Variants in SGMS1 observed in about 807,000 individuals in gnomAD.
SGMS1 encodes sphingomyelin synthase 1.
Under a neutral mutation model 46.2 loss-of-function variants are expected in SGMS1, and 13 were observed. The ratio of observed to expected loss-of-function variants is 0.28; its 90% CI spans 0.18 to 0.45. The LOEUF (loss-of-function observed/expected upper bound fraction) is 0.45, where lower values mean the gene tolerates loss of function less well. SGMS1 is among the 20% of genes least tolerant of loss of function. The pLI, the probability that SGMS1 is intolerant of heterozygous loss-of-function variation, is 1.00. For missense variants in SGMS1, 324 were observed against 519.9 expected (o/e 0.62, Z 3.66); for synonymous variants, 203 against 187.8 (o/e 1.08, Z -0.66).
intron 6 of SGMS1, among the ~76,000 whole-genome samples, chr10:50,424,102 T>C (rs989188566): frequency 4.6e-5 from 7 of 152,324 alleles, no homozygotes; most frequent in African/African-American, 1.7e-4. Flanking sequence ...CATGTTTGTC[T>C]GACCTGAAAG....
chr10:50,541,622 C>T lies in SGMS1; in HGVS notation c.-588-21701G>A, dbSNP rs542529872. 4.6e-5 allele frequency among the ~76,000 whole-genome samples: 7 copies of T among 152,134 alleles called. No homozygotes were observed. The South Asian group carries it at 6.2e-4, about 14-fold the overall frequency. On this transcript the variant is annotated intron_variant, in intron 2 of 10. Coordinates refer to ENST00000361781, the MANE Select transcript of SGMS1 (RefSeq NM_147156.4). Reference sequence around the variant, plus strand: ...CCACAGAGAGTGGTTGTTAAGCTGCCCCACTTGGAGACAAGACCAGGGATG... The same window carrying T: ...CCACAGAGAGTGGTTGTTAAGCTGCTCCACTTGGAGACAAGACCAGGGATG...
At position 50,306,953 on chromosome 10, in the gene SGMS1, T is replaced by C. The variant is rs1847188548; in HGVS notation, c.*189A>G. The C allele has an allele frequency of 6.9e-6, 4 of 580,210 alleles. No individual in the cohort carries two copies. In the South Asian group the frequency reaches 8.2e-5, roughly 12 times the overall value. 35.9% of individuals were successfully genotyped at this position (580,210 alleles called of 1,614,324 possible). On this transcript the variant is annotated 3_prime_UTR_variant, in exon 11 of 11. Coordinates refer to ENST00000361781, the MANE Select transcript of SGMS1 (RefSeq NM_147156.4). ...GTGCATGATAGGTTAAATTTTTCTT[T>C]ATTGTTGTCCAACGCAGGTCCTTTG...
intron 6 of SGMS1, among the ~76,000 whole-genome samples, chr10:50,398,525 G>A (rs1404368922): frequency 6.6e-6 from 1 of 152,194 alleles, no homozygotes; most frequent in Non-Finnish European, 1.5e-5. Flanking sequence ...GGTGTTGTAA[G>A]TTGGGATGTG....
chr10:50,443,456 T>C (rs1399924398), intron 5 of SGMS1, among the ~76,000 whole-genome samples: 1 of 151,882 alleles, frequency 6.6e-6, no homozygotes, highest in African/African-American at 2.4e-5. Flanking sequence ...GGCAGACATC[T>C]CATTCGAAAC....
chr10:50,383,461 GCTTT>G (rs1232220474), intron 6 of SGMS1, among the ~76,000 whole-genome samples: 1 of 152,056 alleles, frequency 6.6e-6, no homozygotes, highest in African/African-American at 2.4e-5. Context: ...CAAAAAGATG[GCTTT>G]CTTATCTTTT....
In SGMS1 at chr10:50,324,279, C is replaced by T. The variant is rs182186837; in HGVS notation, c.741+2926G>A. ...AAGTGGTTGTGTAAGACTGTCTTAA[C>T]CTTAACTTTAGTGTTCTTTTTACTA... On this transcript the variant is annotated intron_variant, in intron 8 of 10. Transcript: ENST00000361781. Among the ~76,000 whole-genome samples the T allele has an allele frequency of 1.3e-3, 195 of 152,210 alleles. 3 individuals carry two copies. The highest frequency in any genetic ancestry group is 5.1e-4 in the Non-Finnish European group (35 of 68,002).
intron 6 of SGMS1, among the ~76,000 whole-genome samples, chr10:50,382,829 T>C (rs1326355089): frequency 1.3e-5 from 2 of 152,224 alleles, no homozygotes; most frequent in Non-Finnish European, 2.9e-5. Flanking sequence ...TTTTATCAAA[T>C]GGCCACAGGA....
intron 2 of SGMS1, among the ~76,000 whole-genome samples, chr10:50,558,463 G>A (rs1035692320): frequency 1.3e-5 from 2 of 152,140 alleles, no homozygotes; most frequent in South Asian, 2.1e-4. Context: ...TCCCGGATAA[G>A]CTGCTTGGAA....
intron 2 of SGMS1, among the ~76,000 whole-genome samples, chr10:50,563,956 T>C (rs1838265829): frequency 6.6e-6 from 1 of 152,080 alleles, no homozygotes; most frequent in South Asian, 2.1e-4. Flanking sequence ...GGCCAGTCCT[T>C]ACACCAGATC....
At position 50,623,883 on chromosome 10, in the gene SGMS1, C is replaced by CGCCGCCT; in HGVS notation, c.-867_-861dup. On this transcript the variant is annotated 5_prime_UTR_variant, in exon 1 of 11. Coordinates refer to ENST00000361781, the MANE Select transcript of SGMS1 (RefSeq NM_147156.4). The stretch of plus-strand genomic sequence containing the variant: ...CGGTCCTTCTCACTCCCGACCTGCC[C>CGCCGCCT]GCCGCCTGCCGCCCGCAGCCGCTGC... 2 of 987,038 alleles carry CGCCGCCT rather than the reference C, an allele frequency of 2.0e-6. No homozygotes were observed. Among genetic ancestry groups the CGCCGCCT allele is most frequent in the Non-Finnish European group, 1.2e-6 (1 of 831,324 alleles). The allele number at this position is 987,038 out of a possible 1,614,324, so 61.1% of individuals were successfully genotyped here. A position where few individuals can be genotyped will look rare whatever the true frequency, so the allele number is the denominator to read the frequency against.
In SGMS1 at chr10:50,307,452, C is replaced by T; in HGVS notation, c.1063-131G>A. On this transcript the variant is annotated intron_variant, in intron 10 of 10. Transcript: ENST00000361781. The surrounding 1 kb of genome is among the most constrained non-coding windows in gnomAD (Gnocchi z 4.2). The stretch of plus-strand genomic sequence containing the variant: ...TCCACCCACATATCCCAGCTTCTCT[C>T]TCTCATCACCATTCTACACTCCACA... 1 of 694,810 alleles carries T rather than the reference C, an allele frequency of 1.4e-6. No homozygotes were observed. Among genetic ancestry groups the T allele is most frequent in the South Asian group, 2.0e-5 (1 of 50,850 alleles). 43.0% of individuals were successfully genotyped at this position (694,810 alleles called of 1,614,324 possible).
chr10:50,363,714 A>AT (rs981280862), intron 6 of SGMS1, among the ~76,000 whole-genome samples: 22 of 152,132 alleles, frequency 1.4e-4, no homozygotes, highest in African/African-American at 3.4e-4. Flanking sequence ...GATCAGATGA[A>AT]TTTTTTTCTA....
chr10:50,486,209 T>C (rs978098675), intron 3 of SGMS1, among the ~76,000 whole-genome samples: 1 of 151,992 alleles, frequency 6.6e-6, no homozygotes, highest in Admixed American at 6.6e-5. Context: ...CCCAAAACTA[T>C]AAAAACCCTA....
At chr10:50,449,993 C>G (rs1442411313) in intron 5 of SGMS1, among the ~76,000 whole-genome samples, 1 of 151,904 alleles carries the variant, frequency 6.6e-6, no homozygotes, top group African/African-American at 2.4e-5. Flanking sequence ...GGGCTTCATT[C>G]AAGATTATGT....
chr10:50,405,133 T>G (rs1448280705), intron 6 of SGMS1, among the ~76,000 whole-genome samples: 1 of 152,216 alleles, frequency 6.6e-6, no homozygotes, highest in African/African-American at 2.4e-5. Context: ...TTTGATATCA[T>G]TTGTATACTA....
chr10:50,505,029 C>T (rs767160071), intron 3 of SGMS1, among the ~76,000 whole-genome samples: 6 of 152,016 alleles, frequency 3.9e-5, no homozygotes, highest in Non-Finnish European at 7.4e-5. Context: ...GGTAACACGG[C>T]AAAACCCCAT....
At chr10:50,619,276 G>A (rs1260424019) in intron 1 of SGMS1, among the ~76,000 whole-genome samples, 1 of 152,178 alleles carries the variant, frequency 6.6e-6, no homozygotes, top group African/African-American at 2.4e-5. Flanking sequence ...CAAAGCAGCA[G>A]TCAAGGCAAC....
chr10:50,581,667 T>G (rs1169958845), intron 2 of SGMS1, among the ~76,000 whole-genome samples: 1 of 152,164 alleles, frequency 6.6e-6, no homozygotes, highest in Non-Finnish European at 1.5e-5. Flanking sequence ...CCACAAATAT[T>G]TGGCAAACTT....
intron 8 of SGMS1, among the ~76,000 whole-genome samples, chr10:50,325,320 C>A (rs1008088547): frequency 6.6e-6 from 1 of 151,980 alleles, no homozygotes; most frequent in Non-Finnish European, 1.5e-5. Context: ...TCTTATTCTA[C>A]AAAATTAGAT....
Sources: gnomAD v4.1 joint callset for allele counts (sites outside exome capture counted in the v4.1 genomes callset) on GRCh38, gnomAD v4.1.1 for gene constraint, Gnocchi (gnomAD v3.1) non-coding constraint, MANE v1.5 for transcripts, NCBI Gene and HGNC (gene_info 2026-07-23, HGNC 2026-07-21) for gene names.